The following TDP1 variants were observed in gnomAD, a reference collection of about 807,000 sequenced individuals.
TDP1 encodes the protein tyrosyl-DNA phosphodiesterase 1.
Under a neutral mutation model 81.5 loss-of-function variants are expected in TDP1, and 64 were observed. The ratio of observed to expected loss-of-function variants is 0.79; its 90% CI spans 0.64 to 0.97. TDP1 has a LOEUF of 0.97. TDP1 is among the 50% of genes least tolerant of loss of function. The pLI, the probability that TDP1 is intolerant of heterozygous loss-of-function variation, is 0.00. For missense variants in TDP1, 723 were observed against 743.8 expected (o/e 0.97, Z 0.33); for synonymous variants, 256 against 264.3 (o/e 0.97, Z 0.30).
At chr14:89,985,351 A>G in intron 10 of TDP1, 141 bp downstream of exon 10, 4 of 621,730 alleles carry the variant, frequency 6.4e-6, no homozygotes, top group Non-Finnish European at 1.1e-5. Context: ...ATTGATAATT[A>G]TAATTCTTAG....
chr14:89,986,854 T>C (rs1895626648), intron 10 of TDP1: 1 of 152,258 alleles, frequency 6.6e-6, no homozygotes, highest in African/African-American at 2.4e-5. Context: ...AAATAATACA[T>C]ATTAAATTAA....
At chr14:89,971,865 T>C (rs17126510) in intron 6 of TDP1, among the ~76,000 whole-genome samples, 14,477 of 152,222 alleles carry the variant, frequency 0.095, 1,778 homozygotes, top group African/African-American at 0.28. Flanking sequence ...ATGTAACTTA[T>C]ATTAGCTGCC....
At chr14:89,980,752 C>T (rs747647459) in intron 8 of TDP1, 120 bp downstream of exon 8, 2 of 836,410 alleles carry the variant, frequency 2.4e-6, no homozygotes, top group Admixed American at 2.2e-5. Flanking sequence ...CACACATGGC[C>T]TAGAAAAAGA....
chr14:90,002,949 T>C (rs1373048926), intron 14 of TDP1, among the ~76,000 whole-genome samples: 1 of 151,312 alleles, frequency 6.6e-6, no homozygotes, highest in Non-Finnish European at 1.5e-5. Flanking sequence ...TATTTATTTA[T>C]TTTTTTTGAG....
intron 7 of TDP1, among the ~76,000 whole-genome samples, chr14:89,979,294 A>G (rs1251049096): frequency 6.6e-6 from 1 of 151,962 alleles, no homozygotes; most frequent in Non-Finnish European, 1.5e-5. Flanking sequence ...TACAGGTGAG[A>G]GTGTTTCACA....
At chr14:89,983,992 A>G (rs979962501) in intron 8 of TDP1, 2 of 376,480 alleles carry the variant, frequency 5.3e-6, no homozygotes, top group South Asian at 1.1e-4. Flanking sequence ...CGTTATGAAA[A>G]TGGGTTTGTT....
At chr14:89,957,166 A>G (rs1891756365) in intron 2 of TDP1, 1 of 152,132 alleles carries the variant, frequency 6.6e-6, no homozygotes, top group Non-Finnish European at 1.5e-5. Flanking sequence ...TTTTAAGTAT[A>G]TTCCAAAGGT....
At chr14:89,973,806 C>T (rs1417337017) in intron 6 of TDP1, among the ~76,000 whole-genome samples, 2 of 152,052 alleles carry the variant, frequency 1.3e-5, no homozygotes, top group African/African-American at 2.4e-5. Context: ...ACTTATTTCT[C>T]ACAGTTCTGG....
chr14:89,994,359 T>C (rs1896484314), intron 14 of TDP1, among the ~76,000 whole-genome samples: 1 of 152,208 alleles, frequency 6.6e-6, no homozygotes, highest in Admixed American at 6.5e-5. Context: ...AACCAGCAGC[T>C]TGGAGATTTA....
At chr14:90,007,078 T>C (rs1028197913) in intron 14 of TDP1, among the ~76,000 whole-genome samples, 1 of 152,214 alleles carries the variant, frequency 6.6e-6, no homozygotes, top group Non-Finnish European at 1.5e-5. Flanking sequence ...CAGTCACTTC[T>C]TGTTTACAGT....
In TDP1 at chr14:89,968,274, C is replaced by G. The variant is rs1596512475; in HGVS notation, c.659+852C>G. On this transcript the variant is annotated intron_variant, in intron 5 of 16. Transcript: ENST00000335725. Reference sequence around the variant, plus strand: ...CAAATTGTTTCCAGCGTGACACATTCAGATGGTAAACATTTATGGTCTAGA... The same window carrying G: ...CAAATTGTTTCCAGCGTGACACATTGAGATGGTAAACATTTATGGTCTAGA... 2.0e-5 allele frequency among the ~76,000 whole-genome samples: 3 copies of G among 151,546 alleles called. No homozygotes were observed. The South Asian group carries it at 6.3e-4, about 32-fold the overall frequency.
chr14:89,965,852 A>G (rs536777944), intron 3 of TDP1: 422 of 984,624 alleles, frequency 4.3e-4, no homozygotes, highest in Admixed American at 5.5e-4. Flanking sequence ...TGAAAAGAAT[A>G]TGTATCATTA....
intron 12 of TDP1, chr14:89,991,481 A>C: frequency 2.4e-6 from 2 of 824,154 alleles, no homozygotes; most frequent in Non-Finnish European, 2.9e-6. Context: ...GAAGAATTGT[A>C]AATAGTCCTT....
At chr14:90,022,605 G>C (rs533162579) in intron 15 of TDP1, 2 of 232,720 alleles carry the variant, frequency 8.6e-6, no homozygotes, top group African/African-American at 4.6e-5. Context: ...CTACCAAGGG[G>C]TTTCACCCAT....
intron 7 of TDP1, among the ~76,000 whole-genome samples, chr14:89,978,907 A>C (rs762266556): frequency 6.6e-6 from 1 of 152,120 alleles, no homozygotes; most frequent in Non-Finnish European, 1.5e-5. Context: ...GCTTGGGTTA[A>C]TTTCTCGTTT....
chr14:89,957,392 T>C (rs35901928), intron 2 of TDP1, among the ~76,000 whole-genome samples: 5,755 of 152,272 alleles, frequency 0.038, 362 homozygotes, highest in African/African-American at 0.13. Flanking sequence ...AAGCATGATA[T>C]CCATTTCACA....
Position 89,997,276 on chromosome 14 carries a change from G to A in TDP1, c.1541+3793G>A, listed in dbSNP as rs369918223. ...TCAGCATACCCTGGTGACTGGCCAG[G>A]TGCCTGACATGTGGAGGCTGATGAA... On this transcript the variant is annotated intron_variant, in intron 14 of 16. Transcript: ENST00000335725. Among the ~76,000 whole-genome samples, 32 of 152,304 alleles carry A rather than the reference G, an allele frequency of 2.1e-4. 3 individuals are homozygous for A. Among genetic ancestry groups the A allele is most frequent in the Admixed American group, 1.4e-3 (21 of 15,300 alleles).
At chr14:90,009,716 G>A (rs1208231296) in intron 14 of TDP1, among the ~76,000 whole-genome samples, 2 of 152,210 alleles carry the variant, frequency 1.3e-5, no homozygotes, top group African/African-American at 4.8e-5. Context: ...CTGTGCATTT[G>A]TAAAACCCCA....
chr14:90,039,883 A>G (rs1389934226), intron 16 of TDP1, among the ~76,000 whole-genome samples: 1 of 152,100 alleles, frequency 6.6e-6, no homozygotes, highest in Non-Finnish European at 1.5e-5. Flanking sequence ...ACAATCCCCA[A>G]TTTCCAGATG....
Sources: allele counts gnomAD v4.1 joint callset (sites outside exome capture counted in the v4.1 genomes callset), GRCh38; gene constraint gnomAD v4.1.1; transcripts MANE v1.5; gene names NCBI Gene and HGNC (gene_info 2026-07-23, HGNC 2026-07-21).